The following FAM168B variants were observed in gnomAD, a reference collection of about 807,000 sequenced individuals.
FAM168B encodes the protein myelin-associated neurite-outgrowth inhibitor.
A neutral mutation model predicts 21.8 loss-of-function variants in FAM168B; 19 were observed. That is an observed-to-expected ratio of 0.87 (90% CI 0.61 to 1.28). The LOEUF is 1.28. FAM168B is among the 50% of genes most tolerant of loss of function. The probability of loss-of-function intolerance (pLI) is 0.00; values close to 1 mark genes in which losing one functional copy is unlikely to be tolerated. For synonymous variants in FAM168B, 126 were observed against 104.8 expected, an observed-to-expected ratio of 1.20 and a Z score of -1.24; for missense variants, 233 against 263.1, an observed-to-expected ratio of 0.89 and a Z score of 0.79.
At chr2:131,076,488 A>G (rs568008806) in intron 2 of FAM168B, among the ~76,000 whole-genome samples, 2 of 151,994 alleles carry the variant, frequency 1.3e-5, no homozygotes, top group African/African-American at 4.8e-5. Context: ...TCTCTAATAA[A>G]AGTACAAAAA....
chr2:131,063,617 A>G (rs1692413717), intron 3 of FAM168B, among the ~76,000 whole-genome samples: 1 of 152,170 alleles, frequency 6.6e-6, no homozygotes, highest in Non-Finnish European at 1.5e-5. Flanking sequence ...TTGTCTCTAC[A>G]AAATAAAAAT....
chr2:131,082,101 G>A (rs1693456787), intron 2 of FAM168B, among the ~76,000 whole-genome samples: 1 of 152,156 alleles, frequency 6.6e-6, no homozygotes, highest in Non-Finnish European at 1.5e-5. Context: ...CTCCACTAAA[G>A]GGATGTGGAT....
At position 131,052,973 on chromosome 2, in the gene FAM168B, T is replaced by TG. The variant is rs905339801; in HGVS notation, c.517dup (p.His173ProfsTer65). On this transcript the variant is annotated frameshift_variant, in exon 6 of 7. Transcript: ENST00000389915. LOFTEE classifies it high-confidence loss of function. ...CCGGTACGTGGGCACAGTGACCGGGTGGGGGGCGACAGGAGTTGGGGAGTG... is the reference window on the plus strand; with the variant it reads ...CCGGTACGTGGGCACAGTGACCGGGTGGGGGGGCGACAGGAGTTGGGGAGTG... 8.3e-6 allele frequency: 13 copies of TG among 1,559,510 alleles called. No homozygotes were observed. Among genetic ancestry groups the TG allele is most frequent in the African/African-American group, 1.4e-5 (1 of 73,370 alleles).
chr2:131,069,313 A>G (rs950515191), intron 3 of FAM168B, among the ~76,000 whole-genome samples: 2 of 152,276 alleles, frequency 1.3e-5, no homozygotes, highest in African/African-American at 4.8e-5. Context: ...CTACGGCATG[A>G]TCATCACATG....
intron 1 of FAM168B, among the ~76,000 whole-genome samples, chr2:131,088,336 T>C (rs1693824663): frequency 6.8e-6 from 1 of 147,316 alleles, no homozygotes; most frequent in South Asian, 2.1e-4. Context: ...AATGACACCA[T>C]GAAACAATCA....
rs112944472 is a variant in FAM168B at position 131,061,782 on chromosome 2, GAA to G, written c.155-6089_155-6088del. Among the ~76,000 whole-genome samples, 76 of 129,856 alleles carry G rather than the reference GAA, an allele frequency of 5.9e-4. 1 individual carries two copies. In the East Asian group the frequency reaches 0.013, roughly 22 times the overall value. The allele number at this position is 129,856 out of a possible 152,430, so 85.2% of individuals were successfully genotyped here. A position where few individuals can be genotyped will look rare whatever the true frequency, so the allele number is the denominator to read the frequency against. ...GGGCGACAGAGGGAGACCCTGTCTC[GAA>G]AAAAAAAAAAAAGAAGAAGAAGATG... On this transcript the variant is annotated intron_variant, in intron 3 of 6. Coordinates refer to ENST00000389915, the MANE Select transcript of FAM168B (RefSeq NM_001009993.4).
At chr2:131,085,456 C>T (rs531968705) in intron 1 of FAM168B, among the ~76,000 whole-genome samples, 5 of 152,288 alleles carry the variant, frequency 3.3e-5, no homozygotes, top group East Asian at 1.9e-4. Flanking sequence ...GCTGCAACTA[C>T]CTACCGACTT....
intron 2 of FAM168B, among the ~76,000 whole-genome samples, chr2:131,081,212 T>A (rs534466273): frequency 3.9e-5 from 6 of 152,348 alleles, no homozygotes; most frequent in Admixed American, 2.0e-4. Flanking sequence ...TTCTTTCTTT[T>A]ATATCTGCAA....
At chr2:131,052,771 C>T in intron 6 of FAM168B, 120 bp downstream of exon 6, 2 of 1,428,400 alleles carry the variant, frequency 1.4e-6, no homozygotes, top group Non-Finnish European at 9.3e-7. Flanking sequence ...ACTACATTGC[C>T]TCTGGATCCA....
Position 131,048,804 on chromosome 2 carries a change from G to T in FAM168B, c.*3661C>A. The stretch of plus-strand genomic sequence containing the variant: ...AGAGACCCTCTCAGAAAGCACCAGA[G>T]AGGAGGACCAGACGCTGCCACCCAC... On this transcript the variant is annotated 3_prime_UTR_variant, in exon 7 of 7. Transcript: ENST00000389915. 1 of 986,274 alleles carries T rather than the reference G, an allele frequency of 1.0e-6. No individual in the cohort carries two copies. The highest frequency in any genetic ancestry group is 1.2e-6 in the Non-Finnish European group (1 of 830,276). The allele number at this position is 986,274 out of a possible 1,614,324, so 61.1% of individuals were successfully genotyped here.
At chr2:131,083,752 T>C (rs1357660575) in intron 1 of FAM168B, among the ~76,000 whole-genome samples, 2 of 152,092 alleles carry the variant, frequency 1.3e-5, no homozygotes, top group African/African-American at 4.8e-5. Flanking sequence ...TAAACACCTA[T>C]GTGTATAAAA....
chr2:131,054,008 A>G (rs543219573), intron 5 of FAM168B, among the ~76,000 whole-genome samples: 2 of 152,324 alleles, frequency 1.3e-5, no homozygotes, highest in East Asian at 3.9e-4. Flanking sequence ...GTTCGAGACC[A>G]GCCTGGCCAA....
intron 2 of FAM168B, among the ~76,000 whole-genome samples, chr2:131,072,671 C>T (rs924453022): frequency 4.6e-5 from 7 of 151,958 alleles, no homozygotes; most frequent in African/African-American, 1.7e-4. Context: ...GGTGACCAGG[C>T]TGGTCTCGAA....
chr2:131,058,893 T>C (rs1692160831), intron 3 of FAM168B, among the ~76,000 whole-genome samples: 1 of 152,210 alleles, frequency 6.6e-6, no homozygotes, highest in Admixed American at 6.5e-5. Flanking sequence ...TTGTATAACA[T>C]TTTCTTTAAT....
chr2:131,067,995 T>C (rs1320302949), intron 3 of FAM168B, among the ~76,000 whole-genome samples: 1 of 152,084 alleles, frequency 6.6e-6, no homozygotes, highest in Non-Finnish European at 1.5e-5. Context: ...GCTGTAACTG[T>C]ACCACTGGAC....
intron 1 of FAM168B, among the ~76,000 whole-genome samples, chr2:131,085,244 G>A (rs965692038): frequency 3.9e-5 from 6 of 152,100 alleles, no homozygotes; most frequent in African/African-American, 1.4e-4. Flanking sequence ...GAGGCCAGGA[G>A]TTCAAGACCA....
Position 131,049,103 on chromosome 2 carries a change from C to T in FAM168B, c.*3362G>A, listed in dbSNP as rs535234274. ...CTGGCACTCACAGGTGCCTTACATA[C>T]CTTACGGGGGCCAACACTGACAGGT... is the stretch of plus-strand genomic sequence containing the variant. On this transcript the variant is annotated 3_prime_UTR_variant, in exon 7 of 7. Transcript: ENST00000389915. 2.0e-6 allele frequency: 2 copies of T among 985,454 alleles called. No individual in the cohort carries two copies. Among genetic ancestry groups the T allele is most frequent in the South Asian group, 4.7e-5 (1 of 21,286 alleles). The allele number at this position is 985,454 out of a possible 1,614,324, so 61.0% of individuals were successfully genotyped here.
intron 1 of FAM168B, among the ~76,000 whole-genome samples, chr2:131,090,150 A>AT (rs1693933195): frequency 1.5e-5 from 1 of 64,816 alleles, no homozygotes. Flanking sequence ...TACCAAAAAT[A>AT]CAAAAAAAAA....
intron 3 of FAM168B, among the ~76,000 whole-genome samples, chr2:131,057,627 T>C (rs930789132): frequency 5.9e-5 from 9 of 152,014 alleles, no homozygotes; most frequent in African/African-American, 2.2e-4. Flanking sequence ...TACCTCAAGT[T>C]TGAAAAAATG....
Sources: gnomAD v4.1 joint callset for allele counts (sites outside exome capture counted in the v4.1 genomes callset) on GRCh38, gnomAD v4.1.1 for gene constraint, MANE v1.5 for transcripts, NCBI Gene and HGNC (gene_info 2026-07-23, HGNC 2026-07-21) for gene names.